Variants in PATJ observed in about 807,000 individuals in gnomAD.
PATJ encodes PATJ crumbs cell polarity complex component.
A neutral mutation model predicts 224.9 loss-of-function variants in PATJ; 190 were observed. That is an observed-to-expected ratio of 0.84 (90% CI 0.75 to 0.95). The LOEUF (loss-of-function observed/expected upper bound fraction) is 0.95. PATJ is among the 40% of genes least tolerant of loss of function. The pLI, the probability that PATJ is intolerant of heterozygous loss-of-function variation, is 0.00. For missense variants in PATJ, 2,121 were observed against 2,270.3 expected, an observed-to-expected ratio of 0.93 and a Z score of 1.34; for synonymous variants, 769 against 820.3, an observed-to-expected ratio of 0.94 and a Z score of 1.07.
chr1:61,798,001 T>C (rs575629152), intron 11 of PATJ, among the ~76,000 whole-genome samples: 1 of 152,236 alleles, frequency 6.6e-6, no homozygotes, highest in South Asian at 2.1e-4. Flanking sequence ...AGATAGGGTT[T>C]CACCGTGTTG....
At chr1:61,760,737 C>T (rs1373898789) in intron 1 of PATJ, among the ~76,000 whole-genome samples, 1 of 151,484 alleles carries the variant, frequency 6.6e-6, no homozygotes, top group Non-Finnish European at 1.5e-5. Context: ...CTGCCTCAGC[C>T]TCCCGAGTAG....
intron 17 of PATJ, among the ~76,000 whole-genome samples, chr1:61,834,671 C>A (rs1659883775): frequency 6.6e-6 from 1 of 152,098 alleles, no homozygotes; most frequent in Non-Finnish European, 1.5e-5. Flanking sequence ...AAAATCAATT[C>A]TTTTTTAATA....
At chr1:61,817,562 G>T (rs1247079663) in intron 14 of PATJ, among the ~76,000 whole-genome samples, 1 of 152,162 alleles carries the variant, frequency 6.6e-6, no homozygotes, top group Non-Finnish European at 1.5e-5. Flanking sequence ...TGCTGGGGAG[G>T]TTAAGGCAGA....
At chr1:61,803,337 A>G (rs1652925309) in intron 12 of PATJ, among the ~76,000 whole-genome samples, 1 of 152,166 alleles carries the variant, frequency 6.6e-6, no homozygotes, top group Non-Finnish European at 1.5e-5. Flanking sequence ...AAAGTACCTA[A>G]TTTTATACAA....
At chr1:61,952,443 T>A (rs1404295736) in intron 27 of PATJ, 1 of 717,224 alleles carries the variant, frequency 1.4e-6, no homozygotes, top group East Asian at 2.7e-5. Context: ...TGATCTGTGG[T>A]TCTTTCGGAA....
intron 37 of PATJ, among the ~76,000 whole-genome samples, chr1:62,119,748 T>C (rs1315902771): frequency 6.6e-6 from 1 of 152,136 alleles, no homozygotes; most frequent in East Asian, 1.9e-4. Context: ...AAGACCAGCC[T>C]GGCCAAAGAG....
chr1:61,821,580 G>A (rs1657273345), intron 14 of PATJ, among the ~76,000 whole-genome samples: 1 of 152,180 alleles, frequency 6.6e-6, no homozygotes. Flanking sequence ...CTGAAGGAAG[G>A]CCTGTGGCAC....
At chr1:61,916,321 T>A (rs1673453730) in intron 26 of PATJ, among the ~76,000 whole-genome samples, 1 of 152,152 alleles carries the variant, frequency 6.6e-6, no homozygotes. Context: ...TGTGTATATA[T>A]GATATTTTTA....
chr1:61,761,369 C>A (rs945180144), intron 1 of PATJ, among the ~76,000 whole-genome samples: 2 of 152,086 alleles, frequency 1.3e-5, no homozygotes, highest in African/African-American at 4.8e-5. Context: ...TTCCTTGAAC[C>A]CCTTCCCAGT....
intron 21 of PATJ, among the ~76,000 whole-genome samples, chr1:61,877,758 T>C (rs2149040340): frequency 6.6e-6 from 1 of 152,280 alleles, no homozygotes; most frequent in South Asian, 2.1e-4. Context: ...TTACCCAGTC[T>C]CCGGTAGTTC....
chr1:61,743,712 A>T (rs1412299978), intron 1 of PATJ, among the ~76,000 whole-genome samples: 1 of 152,210 alleles, frequency 6.6e-6, no homozygotes, highest in Non-Finnish European at 1.5e-5. Context: ...GGTGAGATTG[A>T]GCCTTTTAGC....
At chr1:61,761,295 G>A (rs1645957271) in intron 1 of PATJ, among the ~76,000 whole-genome samples, 1 of 152,034 alleles carries the variant, frequency 6.6e-6, no homozygotes, top group Non-Finnish European at 1.5e-5. Context: ...ATTTTGATAA[G>A]TATATACATC....
Position 62,162,858 on chromosome 1 carries a change from A to T in PATJ, c.*1804A>T, listed in dbSNP as rs2149085619. ...GCTACTCCGGAGGTTGAAGCAGGAA[A>T]ATTGCTTGAACCTGGGAGGTGGAGG... is the stretch of plus-strand genomic sequence containing the variant. On this transcript the variant is annotated 3_prime_UTR_variant, in exon 44 of 44. Transcript: ENST00000642238. 3.4e-6 allele frequency: 1 copy of T among 291,722 alleles called. No homozygotes were observed. Among genetic ancestry groups the T allele is most frequent in the East Asian group, 1.3e-4 (1 of 7,706 alleles). The allele number at this position is 291,722 out of a possible 1,614,324, so 18.1% of individuals were successfully genotyped here.
chr1:61,948,345 A>G (rs1679082092), intron 27 of PATJ, among the ~76,000 whole-genome samples: 2 of 152,224 alleles, frequency 1.3e-5, no homozygotes, highest in Admixed American at 1.3e-4. Flanking sequence ...AGAATCTACA[A>G]TGAACTCAAA....
chr1:62,121,444 T>G, intron 38 of PATJ, 149 bp downstream of exon 38: 3 of 618,686 alleles, frequency 4.8e-6, no homozygotes, highest in Non-Finnish European at 8.6e-6. Context: ...GAAAGGCATG[T>G]TCTGAAGGTA....
intron 27 of PATJ, among the ~76,000 whole-genome samples, chr1:61,989,804 G>C (rs934364758): frequency 5.3e-5 from 8 of 152,208 alleles, no homozygotes; most frequent in Admixed American, 2.6e-4. Context: ...CTTCTTAGGA[G>C]GAAATAAAAT....
chr1:61,945,636 T>G (rs1678575255), intron 27 of PATJ, among the ~76,000 whole-genome samples: 1 of 151,990 alleles, frequency 6.6e-6, no homozygotes. Flanking sequence ...AGTGGGAGAC[T>G]TTAACACCCC....
At position 62,114,245 on chromosome 1, in the gene PATJ, C is replaced by T. The variant is rs139414360; in HGVS notation, c.4654C>T (p.Arg1552Ter). Residue 1552 changes from arginine to a stop codon, truncating the protein, a stop_gained and splice_region_variant, in exon 35 of 44, where the codon CGA (arginine) becomes TGA (stop). Coordinates refer to ENST00000642238, the MANE Select transcript of PATJ (RefSeq NM_001350145.3). LOFTEE classifies it high-confidence loss of function. ...RGLGLSIVGK[R>*]NGSGVFISDI... Reference sequence around the variant, plus strand: ...CCTGGGCCTGAGCATCGTTGGGAAACGGTAAAGACGTGCTGTGGGAGTTGG... The same window carrying T: ...CCTGGGCCTGAGCATCGTTGGGAAATGGTAAAGACGTGCTGTGGGAGTTGG... The T allele has an allele frequency of 2.9e-5, 46 of 1,613,608 alleles. No individual in the cohort carries two copies. Among genetic ancestry groups the T allele is most frequent in the East Asian group, 1.6e-4 (7 of 44,868 alleles).
intron 8 of PATJ, among the ~76,000 whole-genome samples, chr1:61,790,441 G>A (rs1157918308): frequency 3.3e-5 from 5 of 151,222 alleles, no homozygotes; most frequent in Non-Finnish European, 1.5e-5. Flanking sequence ...TCACAGTTCT[G>A]TAGGTCAGAA....
Sources: allele counts gnomAD v4.1 joint callset (sites outside exome capture counted in the v4.1 genomes callset), GRCh38; gene constraint gnomAD v4.1.1; transcripts MANE v1.5; gene names NCBI Gene and HGNC (gene_info 2026-07-23, HGNC 2026-07-21).